Variants in LCA5L observed in about 807,000 individuals in gnomAD.
LCA5L encodes lebercilin LCA5 like.
Under a neutral mutation model 45.4 loss-of-function variants are expected in LCA5L, and 35 were observed. That is an observed-to-expected ratio of 0.77 (90% CI 0.59 to 1.02). The LOEUF (loss-of-function observed/expected upper bound fraction) is 1.02. Among genes scored for constraint, LCA5L ranks in the 50% least tolerant of loss-of-function variants. The probability of loss-of-function intolerance (pLI) is 0.00; values close to 1 mark genes in which losing one functional copy is unlikely to be tolerated. For synonymous variants in LCA5L, 233 were observed against 264.7 expected, an observed-to-expected ratio of 0.88 and a Z score of 1.16; for missense variants, 668 against 761.6, an observed-to-expected ratio of 0.88 and a Z score of 1.45.
At chr21:39,408,152 G>A (rs139177328) in intron 10 of LCA5L, among the ~76,000 whole-genome samples, 95 of 152,270 alleles carry the variant, frequency 6.2e-4, no homozygotes, top group African/African-American at 2.2e-3. Context: ...GATCTCCCAC[G>A]AGTGGTAATG....
At chr21:39,417,256 T>G (rs573451952) in intron 7 of LCA5L, among the ~76,000 whole-genome samples, 4 of 152,264 alleles carry the variant, frequency 2.6e-5, no homozygotes, top group Non-Finnish European at 4.4e-5. Context: ...GCCAGGCTGG[T>G]CTTGAACTCC....
Position 39,423,099 on chromosome 21 carries a change from A to G in LCA5L, c.714T>C (p.Thr238=). 2 of 1,613,934 alleles carry G rather than the reference A, an allele frequency of 1.2e-6. No homozygotes were observed. Among genetic ancestry groups the G allele is most frequent in the South Asian group, 1.1e-5 (1 of 91,064 alleles). ...LRETDSQLLK[T]KDILQALQKL... is the part of the protein sequence containing the mutation. ...TCTGCAGTGCCTGCAAGATATCTTT[A>G]GTCTTCAGTAACTGGCTGTCAGTTT... The change falls in exon 6 of 11, where the codon ACT becomes ACC. Residue 238 remains threonine (T), a synonymous_variant. Coordinates refer to ENST00000288350, the MANE Select transcript of LCA5L (RefSeq NM_152505.4).
Position 39,411,801 on chromosome 21 carries a change from T to C in LCA5L, c.977A>G (p.Glu326Gly). Residue 326 changes from glutamate to glycine, a missense_variant and splice_region_variant, in exon 8 of 11, where the codon GAA becomes GGA. By Grantham distance (98) the Glu-to-Gly change is moderately conservative. Coordinates refer to ENST00000288350, the MANE Select transcript of LCA5L (RefSeq NM_152505.4). ...TTTAATTTCAAGCTCACGATCCTTT[T>C]CCTAAAAAGAACCACAAAACCAATT... ...EVKHLQQKLK[E>G]KDRELEIKNI... 1 of 1,570,762 alleles carries C rather than the reference T, an allele frequency of 6.4e-7. No homozygotes were observed. The highest frequency in any genetic ancestry group is 8.7e-7 in the Non-Finnish European group (1 of 1,155,974).
chr21:39,422,448 T>G (rs1218314964), intron 6 of LCA5L: 1 of 154,048 alleles, frequency 6.5e-6, no homozygotes, highest in African/African-American at 2.4e-5. Flanking sequence ...CCTTCCCTAC[T>G]ACCCAGGAAC....
chr21:39,421,660 CAT>C (rs2073791204), intron 6 of LCA5L: 1 of 152,116 alleles, frequency 6.6e-6, no homozygotes, highest in African/African-American at 2.4e-5. Flanking sequence ...TTTGTTTTAA[CAT>C]AAAGTAGGAC....
At position 39,420,758 on chromosome 21, in the gene LCA5L, G is replaced by C; in HGVS notation, c.923C>G (p.Thr308Arg). 3 of 1,613,542 alleles carry C rather than the reference G, an allele frequency of 1.9e-6. No individual in the cohort carries two copies. Among genetic ancestry groups the C allele is most frequent in the Non-Finnish European group, 2.5e-6 (3 of 1,179,542 alleles). ...IETRKTLAAQ[T>R]ATKTLQVEVK... ...TTCCACCTGCAGAGTCTTGGTAGCTGTCTGAGCTGCTAAAGTCTTCCGAGT... is the reference window on the plus strand; with the variant it reads ...TTCCACCTGCAGAGTCTTGGTAGCTCTCTGAGCTGCTAAAGTCTTCCGAGT... Residue 308 changes from threonine (T) to arginine (R), a missense_variant, in exon 7 of 11, where the codon ACA becomes AGA. By Grantham distance (71) the Thr-to-Arg change is moderately conservative. Transcript: ENST00000288350.
intron 5 of LCA5L, among the ~76,000 whole-genome samples, chr21:39,426,667 G>A (rs1253216854): frequency 6.6e-6 from 1 of 152,202 alleles, no homozygotes; most frequent in African/African-American, 2.4e-5. Flanking sequence ...TAAGGTTTTT[G>A]TTGCCAAATC....
Position 39,420,919 on chromosome 21 carries a change from T to G in LCA5L, c.838-76A>C, listed in dbSNP as rs2042191609. On this transcript the variant is annotated intron_variant, in intron 6 of 10. Coordinates refer to ENST00000288350, the MANE Select transcript of LCA5L (RefSeq NM_152505.4). ...AAACTTCAATTATCATGGAACTAAC[T>G]ACATTTATGAAAAGTGCACATTTTC... 3 of 1,135,168 alleles carry G rather than the reference T, an allele frequency of 2.6e-6. 1 individual carries two copies. The highest frequency in any genetic ancestry group is 2.8e-5 in the South Asian group (2 of 70,538). 70.3% of individuals were successfully genotyped at this position (1,135,168 alleles called of 1,614,324 possible).
chr21:39,414,972 C>T (rs1314490177), intron 7 of LCA5L, among the ~76,000 whole-genome samples: 7 of 151,986 alleles, frequency 4.6e-5, no homozygotes, highest in African/African-American at 1.2e-4. Context: ...AGTGCAGTGG[C>T]GCCATCACTA....
In LCA5L at chr21:39,415,191, T is replaced by C. The variant is rs1030954351; in HGVS notation, c.976-3389A>G. Among the ~76,000 whole-genome samples, 5 of 152,184 alleles carry C rather than the reference T, an allele frequency of 3.3e-5. No individual in the cohort carries two copies. The South Asian group carries it at 1.0e-3, about 31-fold the overall frequency. ...AATGATGTAAGCCACCATGCCTGGC[T>C]TGGAGTGTTATTTTAAAAATAACAT... On this transcript the variant is annotated intron_variant, in intron 7 of 10. Transcript: ENST00000288350.
chr21:39,441,569 G>T lies in LCA5L; in HGVS notation c.-246+2566C>A, dbSNP rs143824148. 1.6e-4 allele frequency among the ~76,000 whole-genome samples: 25 copies of T among 152,308 alleles called. No individual in the cohort carries two copies. In the East Asian group the frequency reaches 4.8e-3, roughly 29 times the overall value. On this transcript the variant is annotated intron_variant, in intron 2 of 10. Transcript: ENST00000288350. The stretch of plus-strand genomic sequence containing the variant: ...CACGTTCAAAGTTTGGATGGTTACA[G>T]ACTAGCTATGCTATGTAGGTTTTGG...
intron 3 of LCA5L, among the ~76,000 whole-genome samples, chr21:39,431,908 T>G (rs569299427): frequency 1.9e-4 from 29 of 152,170 alleles, no homozygotes; most frequent in Non-Finnish European, 4.0e-4. Flanking sequence ...CTACTATTGA[T>G]CACTACTATA....
chr21:39,428,386 G>A lies in LCA5L; in HGVS notation c.108C>T (p.Gly36=), dbSNP rs1199252441. 9 of 1,612,954 alleles carry A rather than the reference G, an allele frequency of 5.6e-6. No individual in the cohort carries two copies. The highest frequency in any genetic ancestry group is 7.6e-6 in the Non-Finnish European group (9 of 1,179,700). The change falls in exon 5 of 11, where the codon GGC becomes GGT. Residue 36 remains glycine, a synonymous_variant. Transcript: ENST00000288350. ...SAACKRSPGT[G]DFSRNSNASN... is the part of the protein sequence containing the mutation. ...AAGCATTACTGTTCCGTGAAAAATC[G>A]CCTGTGCCTGGGCTTCTCTTGCATG...
rs745766149 is a variant in LCA5L at position 39,406,228 on chromosome 21, C to T, written c.1667G>A (p.Gly556Asp). 6.2e-7 allele frequency: 1 copy of T among 1,614,170 alleles called. No individual in the cohort carries two copies. Among genetic ancestry groups the T allele is most frequent in the East Asian group, 2.2e-5 (1 of 44,884 alleles). Residue 556 changes from glycine (G) to aspartate (D), a missense_variant, in exon 11 of 11, where the codon GGC (glycine) becomes GAC (aspartate). Transcript: ENST00000288350. ...TTCCTCTCTGTTACTGAGATGCTTG[C>T]CTGTACTATGACTGTACCTCATGTT... ...AGNMRYSHSTGKHLSNREEME... is the reference protein window; with the variant it reads ...AGNMRYSHSTDKHLSNREEME...
chr21:39,408,500 C>T (rs1219946167), intron 10 of LCA5L: 1 of 152,360 alleles, frequency 6.6e-6, no homozygotes, highest in Non-Finnish European at 1.5e-5. Context: ...CAGACTAGGA[C>T]CCCTGCTCCA....
At chr21:39,441,267 C>A (rs2076825484) in intron 2 of LCA5L, among the ~76,000 whole-genome samples, 1 of 152,150 alleles carries the variant, frequency 6.6e-6, no homozygotes, top group African/African-American at 2.4e-5. Context: ...GATCGCACAA[C>A]TACATTCCAG....
intron 7 of LCA5L, among the ~76,000 whole-genome samples, chr21:39,414,713 CCTCTCTCT>C (rs147915021): frequency 3.7e-4 from 44 of 119,954 alleles, no homozygotes; most frequent in Non-Finnish European, 5.3e-4. Context: ...TGGTTCTCTC[CCTCTCTCT>C]CTCTCTCTCT....
chr21:39,432,788 T>C (rs2075872911), intron 3 of LCA5L, among the ~76,000 whole-genome samples: 1 of 152,230 alleles, frequency 6.6e-6, no homozygotes, highest in South Asian at 2.1e-4. Context: ...TTGGTTGGCT[T>C]CTTTCACTCA....
chr21:39,418,134 A>G (rs1242447225), intron 7 of LCA5L, among the ~76,000 whole-genome samples: 1 of 152,190 alleles, frequency 6.6e-6, no homozygotes, highest in Non-Finnish European at 1.5e-5. Flanking sequence ...ACAGCATGGG[A>G]AAGACCTGCC....
Sources: allele counts gnomAD v4.1 joint callset (sites outside exome capture counted in the v4.1 genomes callset), GRCh38; gene constraint gnomAD v4.1.1; transcripts MANE v1.5; gene names NCBI Gene and HGNC (gene_info 2026-07-23, HGNC 2026-07-21).